Variants in C12orf42 observed in about 807,000 individuals in gnomAD.
The protein encoded by C12orf42 is chromosome 12 open reading frame 42, also known as uncharacterized protein C12orf42.
Under a neutral mutation model 21.6 loss-of-function variants are expected in C12orf42, and 25 were observed. That is an observed-to-expected ratio of 1.16 (90% CI 0.84 to 1.62). C12orf42 has a LOEUF of 1.62. Among genes scored for constraint, C12orf42 ranks in the 40% most tolerant of loss-of-function variants. C12orf42 has a pLI of 0.00. For missense variants in C12orf42, 483 were observed against 459.3 expected (o/e 1.05, Z -0.47); for synonymous variants, 174 against 175.0 (o/e 0.99, Z 0.05).
chr12:103,395,061 A>G (rs2047399341), intron 3 of C12orf42, among the ~76,000 whole-genome samples: 1 of 152,254 alleles, frequency 6.6e-6, no homozygotes, highest in Non-Finnish European at 1.5e-5. Context: ...TCCTGCTGGG[A>G]GCTAAGGATA....
chr12:103,069,241 C>G, the C12orf42 span, among the ~76,000 whole-genome samples: 1 of 150,162 alleles, frequency 6.7e-6, no homozygotes, highest in Non-Finnish European at 1.5e-5. Context: ...TTCTGATTCT[C>G]TTTTGTAATT....
At position 103,407,214 on chromosome 12, in the gene C12orf42, A is replaced by G. The variant is rs1022016263; in HGVS notation, c.79-5539T>C. On this transcript the variant is annotated intron_variant, in intron 2 of 5. Coordinates refer to ENST00000548883, the MANE Select transcript of C12orf42 (RefSeq NM_198521.5). ...ATTGCAGAGGGGGATAGGATGAGAC[A>G]GCCAAGTGATTAAAAAAAGAGACTG... 3.3e-5 allele frequency among the ~76,000 whole-genome samples: 5 copies of G among 152,162 alleles called. No individual in the cohort carries two copies. The South Asian group carries it at 1.0e-3, about 32-fold the overall frequency.
At chr12:103,189,028 ATT>A in the C12orf42 span, among the ~76,000 whole-genome samples, 1,639 of 150,292 alleles carry the variant, frequency 0.011, 25 homozygotes, top group African/African-American at 0.037. Flanking sequence ...GGATTTTCCT[ATT>A]TGTTTAATTG....
chr12:103,505,828 C>A, the C12orf42 span, among the ~76,000 whole-genome samples: 1 of 152,296 alleles, frequency 6.6e-6, no homozygotes, highest in African/African-American at 2.4e-5. Flanking sequence ...TACAGGGGGT[C>A]ACAAATGAGA....
chr12:103,523,073 A>T, the C12orf42 span, among the ~76,000 whole-genome samples: 2 of 152,234 alleles, frequency 1.3e-5, no homozygotes, highest in African/African-American at 4.8e-5. Flanking sequence ...TCTGTGCAGC[A>T]AGGCCATCTG....
the C12orf42 span, among the ~76,000 whole-genome samples, chr12:103,076,315 G>A: frequency 1.3e-5 from 2 of 150,250 alleles, no homozygotes; most frequent in Non-Finnish European, 3.0e-5. Context: ...AATAAGTAAG[G>A]CCTTGTGTCA....
At chr12:103,154,125 A>G in the C12orf42 span, among the ~76,000 whole-genome samples, 21 of 152,042 alleles carry the variant, frequency 1.4e-4, no homozygotes, top group African/African-American at 3.6e-4. Flanking sequence ...AAAAAATAGC[A>G]TAACTAATTA....
chr12:103,463,592 A>T (rs911050713), intron 2 of C12orf42, among the ~76,000 whole-genome samples: 5 of 151,998 alleles, frequency 3.3e-5, no homozygotes, highest in Admixed American at 6.6e-5. Flanking sequence ...CATGAGTAAA[A>T]TTTTTTTCTA....
the C12orf42 span, among the ~76,000 whole-genome samples, chr12:103,515,613 G>T: frequency 6.6e-6 from 1 of 152,178 alleles, no homozygotes; most frequent in Non-Finnish European, 1.5e-5. Context: ...CATCAGTGAA[G>T]TGCAAATCAA....
At chr12:103,191,172 T>C in the C12orf42 span, among the ~76,000 whole-genome samples, 1 of 152,016 alleles carries the variant, frequency 6.6e-6, no homozygotes, top group African/African-American at 2.4e-5. Flanking sequence ...AAAACTGTTT[T>C]CTAAAAATAA....
At chr12:103,248,693 T>C (rs1028725823) in intron 10 of C12orf42, among the ~76,000 whole-genome samples, 3 of 151,960 alleles carry the variant, frequency 2.0e-5, no homozygotes, top group African/African-American at 7.2e-5. Flanking sequence ...GGGAATCAAA[T>C]AGAAATGGAA....
chr12:103,185,813 C>T, the C12orf42 span, among the ~76,000 whole-genome samples: 8 of 152,154 alleles, frequency 5.3e-5, no homozygotes, highest in Non-Finnish European at 8.8e-5. Context: ...TTTCACCTCC[C>T]GCCGTGATTC....
the C12orf42 span, among the ~76,000 whole-genome samples, chr12:103,539,949 A>G: frequency 1.3e-5 from 2 of 152,050 alleles, no homozygotes; most frequent in Non-Finnish European, 2.9e-5. Context: ...CTTCTGAGAC[A>G]ATTTTTTACT....
At chr12:103,551,282 A>T in the C12orf42 span, among the ~76,000 whole-genome samples, 1 of 152,214 alleles carries the variant, frequency 6.6e-6, no homozygotes, top group Non-Finnish European at 1.5e-5. Context: ...CTAAGCAGGC[A>T]AGTGTCTATT....
chr12:103,346,870 A>C (rs1462997227), intron 4 of C12orf42, among the ~76,000 whole-genome samples: 1 of 152,180 alleles, frequency 6.6e-6, no homozygotes, highest in Non-Finnish European at 1.5e-5. Context: ...ACAAGTTTCC[A>C]ACTACATACT....
chr12:103,513,302 C>G, the C12orf42 span, among the ~76,000 whole-genome samples: 1 of 152,164 alleles, frequency 6.6e-6, no homozygotes, highest in African/African-American at 2.4e-5. Context: ...TCTATTTGGC[C>G]ATTTTTGCCA....
At chr12:103,207,746 C>T in the C12orf42 span, among the ~76,000 whole-genome samples, 4 of 152,128 alleles carry the variant, frequency 2.6e-5, no homozygotes, top group Non-Finnish European at 5.9e-5. Flanking sequence ...TTCATCTGGG[C>T]CTATCACTTA....
chr12:103,496,283 C>G (rs1443843667), upstream of C12orf42, among the ~76,000 whole-genome samples: 1 of 152,046 alleles, frequency 6.6e-6, no homozygotes, highest in African/African-American at 2.4e-5. Flanking sequence ...TGAAATTCCC[C>G]CTTCCACCTA....
intron 4 of C12orf42, among the ~76,000 whole-genome samples, chr12:103,359,286 C>A (rs902548781): frequency 2.6e-5 from 4 of 151,948 alleles, no homozygotes; most frequent in Non-Finnish European, 5.9e-5. Flanking sequence ...AAAATTCACT[C>A]TTTTTAATTC....
Sources: allele counts gnomAD v4.1 joint callset (sites outside exome capture counted in the v4.1 genomes callset), GRCh38; gene constraint gnomAD v4.1.1; transcripts MANE v1.5; gene names NCBI Gene and HGNC (gene_info 2026-07-23, HGNC 2026-07-21).